Variants in BTBD9 observed in about 807,000 individuals in gnomAD.
BTBD9 encodes BTB/POZ domain-containing protein 9.
Under a neutral mutation model 64.3 loss-of-function variants are expected in BTBD9, and 49 were observed. That is an observed-to-expected ratio of 0.76 (90% confidence interval 0.61 to 0.97). The LOEUF (loss-of-function observed/expected upper bound fraction) is 0.97, where lower values mean the gene tolerates loss of function less well. Among genes scored for constraint, BTBD9 ranks in the 50% least tolerant of loss-of-function variants. BTBD9 has a pLI of 0.00. For synonymous variants in BTBD9, 260 were observed against 274.7 expected, an observed-to-expected ratio of 0.95 and a Z score of 0.53; for missense variants, 598 against 762.1, an observed-to-expected ratio of 0.78 and a Z score of 2.53.
chr6:38,522,843 A>ACTCC (rs989828467), intron 6 of BTBD9, among the ~76,000 whole-genome samples: 14 of 152,132 alleles, frequency 9.2e-5, no homozygotes, highest in African/African-American at 3.4e-4. Context: ...AGTGAAAGAT[A>ACTCC]CCAAGTGTGG....
chr6:38,269,543 G>A (rs771713474), intron 8 of BTBD9, among the ~76,000 whole-genome samples: 2 of 151,858 alleles, frequency 1.3e-5, no homozygotes, highest in South Asian at 4.1e-4. Flanking sequence ...CTAAACAGCT[G>A]TAATTAAACC....
intron 6 of BTBD9, among the ~76,000 whole-genome samples, chr6:38,348,702 T>C (rs1764385120): frequency 6.6e-6 from 1 of 152,106 alleles, no homozygotes; most frequent in African/African-American, 2.4e-5. Context: ...AATGTTTCAA[T>C]ACAGAAATTT....
chr6:38,387,568 A>G (rs1239618339), intron 6 of BTBD9, among the ~76,000 whole-genome samples: 1 of 152,134 alleles, frequency 6.6e-6, no homozygotes, highest in Admixed American at 6.6e-5. Context: ...TAACAATAAT[A>G]ATAATAAATA....
At chr6:38,258,019 T>G (rs1372147275) in intron 8 of BTBD9, among the ~76,000 whole-genome samples, 3 of 152,014 alleles carry the variant, frequency 2.0e-5, no homozygotes, top group Non-Finnish European at 4.4e-5. Flanking sequence ...GGAGTCTCAC[T>G]CTGTCTCCTG....
intron 6 of BTBD9, among the ~76,000 whole-genome samples, chr6:38,516,379 A>G (rs1773026645): frequency 6.6e-6 from 1 of 152,242 alleles, no homozygotes; most frequent in Non-Finnish European, 1.5e-5. Context: ...TCCCTAGGTT[A>G]AGGCCAGGCA....
intron 9 of BTBD9, among the ~76,000 whole-genome samples, chr6:38,246,928 T>C (rs1356636412): frequency 6.6e-6 from 1 of 152,208 alleles, no homozygotes; most frequent in African/African-American, 2.4e-5. Flanking sequence ...CTCATCATCA[T>C]TAGTATCAAT....
intron 1 of BTBD9, among the ~76,000 whole-genome samples, chr6:38,616,006 G>A (rs962859033): frequency 6.6e-6 from 1 of 152,116 alleles, no homozygotes; most frequent in Non-Finnish European, 1.5e-5. Flanking sequence ...AAATATGATG[G>A]GATAGTTACT....
chr6:38,255,666 G>A (rs1416044037), intron 9 of BTBD9, among the ~76,000 whole-genome samples: 3 of 152,206 alleles, frequency 2.0e-5, no homozygotes, highest in South Asian at 4.2e-4. Context: ...TAAGGTACAA[G>A]GCTTTCCTTA....
At chr6:38,312,578 G>C (rs1159195456) in intron 7 of BTBD9, among the ~76,000 whole-genome samples, 1 of 152,172 alleles carries the variant, frequency 6.6e-6, no homozygotes, top group Non-Finnish European at 1.5e-5. Context: ...TTTGATATTT[G>C]TATATGGAGA....
At chr6:38,569,814 T>C (rs1273208536) in intron 6 of BTBD9, among the ~76,000 whole-genome samples, 3 of 152,132 alleles carry the variant, frequency 2.0e-5, no homozygotes, top group East Asian at 3.9e-4. Context: ...GTTGTTGTGT[T>C]TTCCCCCTAA....
At chr6:38,608,821 G>A (rs559623528) in intron 1 of BTBD9, among the ~76,000 whole-genome samples, 67 of 152,160 alleles carry the variant, frequency 4.4e-4, no homozygotes, top group African/African-American at 1.4e-3. Context: ...AATGTTCCAC[G>A]AATTATACTA....
At chr6:38,455,988 C>CT (rs931998887) in intron 6 of BTBD9, among the ~76,000 whole-genome samples, 2 of 145,422 alleles carry the variant, frequency 1.4e-5, no homozygotes, top group African/African-American at 5.1e-5. Context: ...TTTTTTTTTT[C>CT]TTTTTTTTCT....
chr6:38,392,872 A>T (rs1304918917), intron 6 of BTBD9, among the ~76,000 whole-genome samples: 1 of 126,532 alleles, frequency 7.9e-6, no homozygotes, highest in Non-Finnish European at 1.5e-5. Context: ...CCTTAAGACA[A>T]TGATTTTTTT....
chr6:38,277,599 G>A (rs914568938), intron 8 of BTBD9, among the ~76,000 whole-genome samples: 1 of 152,132 alleles, frequency 6.6e-6, no homozygotes, highest in Non-Finnish European at 1.5e-5. Flanking sequence ...CTTCCAAAGC[G>A]CTGGGATTAC....
intron 7 of BTBD9, among the ~76,000 whole-genome samples, chr6:38,309,765 CTT>C (rs551709377): frequency 7.0e-6 from 1 of 142,334 alleles, no homozygotes. Flanking sequence ...AGCAGCCTTT[CTT>C]TTTTTTTTTT....
intron 9 of BTBD9, among the ~76,000 whole-genome samples, chr6:38,239,966 G>A (rs1386909383): frequency 6.6e-6 from 1 of 152,108 alleles, no homozygotes; most frequent in Non-Finnish European, 1.5e-5. Context: ...AACAAAACAC[G>A]GTCAATTTAC....
At chr6:38,197,423 TC>T in intron 9 of BTBD9, among the ~76,000 whole-genome samples, 1 of 152,302 alleles carries the variant, frequency 6.6e-6, no homozygotes, top group Middle Eastern at 3.4e-3. Flanking sequence ...CTAGTCACTG[TC>T]CCCTGGGTTT....
In BTBD9 at chr6:38,170,918, CCACATA is replaced by C. The variant is rs1766728871; in HGVS notation, c.*4061_*4066del. 1 of 152,222 alleles carries C rather than the reference CCACATA, an allele frequency of 6.6e-6. No homozygotes were observed. The highest frequency in any genetic ancestry group is 1.5e-5 in the Non-Finnish European group (1 of 68,040). 9.4% of individuals were successfully genotyped at this position (152,222 alleles called of 1,614,324 possible). A position where few individuals can be genotyped will look rare whatever the true frequency, so the allele number is the denominator to read the frequency against. On this transcript the variant is annotated 3_prime_UTR_variant, in exon 11 of 11. Coordinates refer to ENST00000481247, the MANE Select transcript of BTBD9 (RefSeq NM_001099272.2). ...GGGCATCGCTCGGAGGAGCTGGTCA[CCACATA>C]GAAGGTAAGATTAAAATAATAACAC...
chr6:38,181,844 C>T (rs1355498270), intron 10 of BTBD9, among the ~76,000 whole-genome samples: 1 of 152,072 alleles, frequency 6.6e-6, no homozygotes, highest in Non-Finnish European at 1.5e-5. Flanking sequence ...AAAAATTAGC[C>T]AGGTGTGGTG....
Sources: gnomAD v4.1 joint callset for allele counts (sites outside exome capture counted in the v4.1 genomes callset) on GRCh38, gnomAD v4.1.1 for gene constraint, MANE v1.5 for transcripts, NCBI Gene and HGNC (gene_info 2026-07-23, HGNC 2026-07-21) for gene names.